The following SLC23A2 variants were observed in gnomAD, a reference collection of about 807,000 sequenced individuals.
SLC23A2 encodes the protein Na(+)/L-ascorbic acid transporter 2.
SLC23A2 carries 36 observed loss-of-function variants against 73.3 expected under a neutral mutation model. That is an observed-to-expected ratio of 0.49 (90% CI 0.38 to 0.65). SLC23A2 has a LOEUF of 0.65. Among genes scored for constraint, SLC23A2 ranks in the 30% least tolerant of loss-of-function variants. SLC23A2 has a pLI of 0.00. For synonymous variants in SLC23A2, 343 were observed against 327.3 expected (o/e 1.05, Z -0.52); for missense variants, 507 against 841.6 (o/e 0.60, Z 4.92).
intron 11 of SLC23A2, among the ~76,000 whole-genome samples, chr20:4,870,277 T>C: frequency 6.6e-6 from 1 of 152,162 alleles, no homozygotes; most frequent in East Asian, 1.9e-4. Flanking sequence ...ACTGTGTCTT[T>C]AATTAAAAGA....
Position 4,883,460 on chromosome 20 carries a change from A to G in SLC23A2, c.824+182T>C. Among the ~76,000 whole-genome samples, 1 of 152,212 alleles carries G rather than the reference A, an allele frequency of 6.6e-6. No individual in the cohort carries two copies. The highest frequency in any genetic ancestry group is 1.5e-5 in the Non-Finnish European group (1 of 68,034). ...CTAAGTCTGTCTTTGTAATACGTCA[A>G]CTATATGTCACTTCCCAAACTCTGG... On this transcript the variant is annotated intron_variant, in intron 9 of 16. Coordinates refer to ENST00000338244, the MANE Select transcript of SLC23A2 (RefSeq NM_005116.6). The surrounding 1 kb of genome is among the most constrained non-coding windows in gnomAD (Gnocchi z 4.5).
At chr20:4,944,526 C>T (rs1331398680) in intron 2 of SLC23A2, among the ~76,000 whole-genome samples, 1 of 152,216 alleles carries the variant, frequency 6.6e-6, no homozygotes, top group Non-Finnish European at 1.5e-5. Flanking sequence ...CATGAGCCAC[C>T]GCACCCGGCC....
chr20:4,903,379 A>G (rs1931822855), intron 4 of SLC23A2, among the ~76,000 whole-genome samples: 1 of 152,206 alleles, frequency 6.6e-6, no homozygotes, highest in African/African-American at 2.4e-5. Context: ...GTTCCCCAGG[A>G]GAACCTCAAA....
intron 6 of SLC23A2, among the ~76,000 whole-genome samples, chr20:4,898,147 T>A (rs1190409665): frequency 6.6e-6 from 1 of 152,210 alleles, no homozygotes; most frequent in Admixed American, 6.5e-5. Context: ...CGGTCAGTGA[T>A]ATCCCTGCCC....
At chr20:4,930,018 GA>G in intron 3 of SLC23A2, among the ~76,000 whole-genome samples, 1 of 151,924 alleles carries the variant, frequency 6.6e-6, no homozygotes, top group Non-Finnish European at 1.5e-5. Flanking sequence ...GGAAGAAGAA[GA>G]ACGCAAAAAA....
intron 3 of SLC23A2, among the ~76,000 whole-genome samples, chr20:4,913,435 G>A (rs921159839): frequency 1.3e-5 from 2 of 152,088 alleles, no homozygotes; most frequent in East Asian, 1.9e-4. Flanking sequence ...CCACACCATC[G>A]TCCCGGGTTC....
At chr20:5,009,329 A>G (rs1451032047) in intron 1 of SLC23A2, among the ~76,000 whole-genome samples, 2 of 152,090 alleles carry the variant, frequency 1.3e-5, no homozygotes, top group Non-Finnish European at 2.9e-5. Context: ...AGGCCATCAC[A>G]TTTCTACTGC....
chr20:4,978,021 A>G (rs2087671042), intron 1 of SLC23A2, among the ~76,000 whole-genome samples: 2 of 152,140 alleles, frequency 1.3e-5, no homozygotes, highest in Non-Finnish European at 2.9e-5. Context: ...CAACATAACA[A>G]GGGTCTCTAC....
At chr20:4,996,396 C>T (rs1445632737) in intron 1 of SLC23A2, among the ~76,000 whole-genome samples, 1 of 151,978 alleles carries the variant, frequency 6.6e-6, no homozygotes, top group Non-Finnish European at 1.5e-5. Context: ...GTGGGCAAAA[C>T]TCATGAGTGG....
At chr20:4,897,484 G>C (rs762232381) in intron 6 of SLC23A2, among the ~76,000 whole-genome samples, 3 of 152,178 alleles carry the variant, frequency 2.0e-5, no homozygotes, top group African/African-American at 4.8e-5. Context: ...TGTGGGCATG[G>C]GGCGCACAGA....
chr20:4,906,534 C>A (rs1235381091), intron 4 of SLC23A2, among the ~76,000 whole-genome samples: 1 of 152,076 alleles, frequency 6.6e-6, no homozygotes, highest in African/African-American at 2.4e-5. Context: ...GCAGGAGAAT[C>A]GCTTCAACCC....
chr20:4,983,422 A>G (rs533904778), intron 1 of SLC23A2, among the ~76,000 whole-genome samples: 198 of 152,112 alleles, frequency 1.3e-3, no homozygotes, highest in Admixed American at 9.0e-3. Flanking sequence ...CAAGGCGGGC[A>G]GATCACAAGG....
intron 4 of SLC23A2, among the ~76,000 whole-genome samples, chr20:4,903,328 T>C (rs550438818): frequency 1.1e-4 from 16 of 152,334 alleles, no homozygotes; most frequent in East Asian, 3.9e-4. Flanking sequence ...TCTGAACTCA[T>C]GCAGTATCTG....
chr20:4,874,163 C>T (rs954838250), intron 10 of SLC23A2, 71 bp from the exon 11 acceptor site: 15 of 1,488,874 alleles, frequency 1.0e-5, no homozygotes, highest in Middle Eastern at 2.1e-4. Flanking sequence ...CACGTCTTCC[C>T]GCGGTCGGAA....
At chr20:5,003,109 C>T (rs527261512), upstream of SLC23A2, among the ~76,000 whole-genome samples, 6 of 152,140 alleles carry the variant, frequency 3.9e-5, no homozygotes, top group African/African-American at 1.4e-4. Flanking sequence ...TGCGGCCGGG[C>T]GCGGTGGCTC....
chr20:4,898,791 G>C (rs74345541), intron 6 of SLC23A2, among the ~76,000 whole-genome samples: 4,334 of 152,216 alleles, frequency 0.028, 182 homozygotes, highest in African/African-American at 0.098. Flanking sequence ...GAAGCACCGT[G>C]GGAAAAAGAC....
intron 9 of SLC23A2, among the ~76,000 whole-genome samples, chr20:4,881,128 T>C (rs1930866840): frequency 6.6e-6 from 1 of 152,206 alleles, no homozygotes. Flanking sequence ...AGGGGCACGG[T>C]TGTGCCATTC....
intron 6 of SLC23A2, among the ~76,000 whole-genome samples, chr20:4,894,819 GT>G (rs1282456952): frequency 6.6e-6 from 1 of 152,058 alleles, no homozygotes; most frequent in East Asian, 1.9e-4. Context: ...ACCTTCATGG[GT>G]TTCCCATCAA....
At chr20:4,985,151 A>AG (rs1415424041) in intron 1 of SLC23A2, among the ~76,000 whole-genome samples, 1 of 152,068 alleles carries the variant, frequency 6.6e-6, no homozygotes, top group African/African-American at 2.4e-5. Flanking sequence ...AAAAAAAAAA[A>AG]AAAAGTTAAA....
Sources: gnomAD v4.1 joint callset for allele counts (sites outside exome capture counted in the v4.1 genomes callset) on GRCh38, gnomAD v4.1.1 for gene constraint, Gnocchi (gnomAD v3.1) non-coding constraint, MANE v1.5 for transcripts, NCBI Gene and HGNC (gene_info 2026-07-23, HGNC 2026-07-21) for gene names.